ACCSL: variants seen among roughly 807,000 people sequenced by gnomAD.
The protein encoded by ACCSL is 1-aminocyclopropane-1-carboxylate synthase homolog (inactive) like, also known as probable inactive 1-aminocyclopropane-1-carboxylate synthase-like protein 2.
ACCSL carries 55 observed loss-of-function variants against 61.7 expected under a neutral mutation model. The observed-to-expected ratio is 0.89, with a 90% CI of 0.72 to 1.12. The LOEUF (loss-of-function observed/expected upper bound fraction) is 1.12, where lower values mean the gene tolerates loss of function less well. Among genes scored for constraint, ACCSL ranks in the 50% most tolerant of loss-of-function variants. The probability of loss-of-function intolerance (pLI) is 0.00; values close to 1 mark genes in which losing one functional copy is unlikely to be tolerated. For synonymous variants in ACCSL, 258 were observed against 264.3 expected, an observed-to-expected ratio of 0.98 and a Z score of 0.23; for missense variants, 632 against 698.0, an observed-to-expected ratio of 0.91 and a Z score of 1.07.
chr11:43,982,000 G>A, the ACCSL span, among the ~76,000 whole-genome samples: 8 of 152,278 alleles, frequency 5.3e-5, no homozygotes, highest in African/African-American at 1.4e-4. Context: ...GCTAGAGTCC[G>A]TTTGCTGAGA....
At chr11:43,966,276 A>G in the ACCSL span, among the ~76,000 whole-genome samples, 1 of 152,066 alleles carries the variant, frequency 6.6e-6, no homozygotes, top group Non-Finnish European at 1.5e-5. Flanking sequence ...AAATACAAAA[A>G]TTAGCTGGGC....
chr11:43,960,668 A>C, the ACCSL span, among the ~76,000 whole-genome samples: 25 of 152,130 alleles, frequency 1.6e-4, no homozygotes, highest in African/African-American at 5.1e-4. Context: ...TACAGGCATG[A>C]GCTATCATGC....
At chr11:44,006,436 G>A in the ACCSL span, among the ~76,000 whole-genome samples, 10 of 152,072 alleles carry the variant, frequency 6.6e-5, no homozygotes, top group East Asian at 1.9e-3. Context: ...GTGACTTTGG[G>A]TAAGGTACCC....
chr11:44,024,271 T>G, the ACCSL span, among the ~76,000 whole-genome samples: 128,087 of 152,040 alleles, frequency 0.84, 54,064 homozygotes, highest in Middle Eastern at 0.86. Context: ...GGCTCCCTTG[T>G]TTTCCAGGCC....
chr11:44,030,998 A>G, the ACCSL span, among the ~76,000 whole-genome samples: 1 of 152,198 alleles, frequency 6.6e-6, no homozygotes, highest in Non-Finnish European at 1.5e-5. Flanking sequence ...CACAAAAGGC[A>G]GGGATTTACA....
the ACCSL span, among the ~76,000 whole-genome samples, chr11:44,003,742 G>T: frequency 6.6e-6 from 1 of 152,076 alleles, no homozygotes; most frequent in African/African-American, 2.4e-5. Context: ...ATCCCCACTG[G>T]ACAGTAACTG....
At chr11:43,972,914 A>C in the ACCSL span, among the ~76,000 whole-genome samples, 1 of 152,190 alleles carries the variant, frequency 6.6e-6, no homozygotes, top group African/African-American at 2.4e-5. Flanking sequence ...AGGCCGAGGC[A>C]GGAGGATCAC....
the ACCSL span, among the ~76,000 whole-genome samples, chr11:43,924,455 C>T: frequency 6.6e-5 from 10 of 152,190 alleles, no homozygotes; most frequent in African/African-American, 9.7e-5. Flanking sequence ...AGGCGGTGGG[C>T]GCCTGAGGGC....
chr11:43,929,365 A>C, the ACCSL span, among the ~76,000 whole-genome samples: 1 of 152,218 alleles, frequency 6.6e-6, no homozygotes, highest in Non-Finnish European at 1.5e-5. Context: ...GACTATAGGC[A>C]CATGCCATCA....
chr11:44,048,424 T>C lies in ACCSL; in HGVS notation c.388T>C (p.Phe130Leu). The C allele has an allele frequency of 6.2e-7, 1 of 1,614,090 alleles. No individual in the cohort carries two copies. ...CCAACTGAGTGATTGTGAAGCTGCC[T>C]TTGTCAACCGCGACCTATCCATCCG... ...VPQLSDCEAA[F>L]VNRDLSIRGI... is the part of the protein sequence containing the mutation. Residue 130 changes from phenylalanine (F) to leucine (L), a missense_variant, in exon 1 of 14, where the codon TTT becomes CTT. Coordinates refer to ENST00000378832, the MANE Select transcript of ACCSL (RefSeq NM_001031854.2).
At chr11:44,003,010 T>C in the ACCSL span, among the ~76,000 whole-genome samples, 67 of 152,308 alleles carry the variant, frequency 4.4e-4, no homozygotes, top group African/African-American at 1.6e-3. Context: ...TCGTGATGTT[T>C]CATTGCTTAA....
chr11:43,991,941 T>C, the ACCSL span, among the ~76,000 whole-genome samples: 1 of 152,044 alleles, frequency 6.6e-6, no homozygotes, highest in African/African-American at 2.4e-5. Flanking sequence ...GCACACACAG[T>C]TCTCCTATCT....
At chr11:43,943,319 G>T in the ACCSL span, 3 of 1,434,488 alleles carry the variant, frequency 2.1e-6, no homozygotes, top group African/African-American at 3.0e-5. This position sits in a 1 kb window ranked among gnomAD's most constrained non-coding sequence, Gnocchi z 4.8. Context: ...GGTCCGCGCG[G>T]GGACCGGCGT....
the ACCSL span, chr11:43,973,850 A>G: frequency 6.6e-6 from 1 of 152,206 alleles, no homozygotes; most frequent in East Asian, 1.9e-4. Context: ...TGCAACCCCC[A>G]ACTCTAGGAC....
rs746067387 is a variant in ACCSL, at chr11:44,048,271, A to C, written c.235A>C (p.Ile79Leu). The change falls in exon 1 of 14, where the codon ATC becomes CTC. Residue 79 changes from isoleucine (I) to leucine (L), a missense_variant. Coordinates refer to ENST00000378832, the MANE Select transcript of ACCSL (RefSeq NM_001031854.2). Reference sequence around the variant, plus strand: ...TCTGAGTCGCTTAATATGCCGGATGATCAACCTCCTACAGTCTGGGGCCGC... The same window carrying C: ...TCTGAGTCGCTTAATATGCCGGATGCTCAACCTCCTACAGTCTGGGGCCGC... The part of the protein sequence containing the change: ...ALLSRLICRM[I>L]NLLQSGAASG... 3.7e-6 allele frequency: 6 copies of C among 1,614,082 alleles called. No individual in the cohort carries two copies. In the South Asian group the frequency reaches 6.6e-5, roughly 18 times the overall value.
At chr11:43,989,488 A>G in the ACCSL span, among the ~76,000 whole-genome samples, 1 of 152,178 alleles carries the variant, frequency 6.6e-6, no homozygotes, top group Non-Finnish European at 1.5e-5. Context: ...GCCTGGGGCC[A>G]TGTGGTTACT....
chr11:43,925,018 T>C, the ACCSL span: 4 of 172,922 alleles, frequency 2.3e-5, no homozygotes, highest in African/African-American at 9.3e-5. Flanking sequence ...GCTTTCTCTC[T>C]CTTTCTCTCA....
At chr11:44,030,258 G>A in the ACCSL span, among the ~76,000 whole-genome samples, 1 of 150,434 alleles carries the variant, frequency 6.6e-6, no homozygotes, top group Non-Finnish European at 1.5e-5. Flanking sequence ...CAAATTTGAG[G>A]AGTCTTGACC....
At chr11:43,998,211 C>T in the ACCSL span, among the ~76,000 whole-genome samples, 4 of 152,270 alleles carry the variant, frequency 2.6e-5, no homozygotes, top group African/African-American at 9.6e-5. Flanking sequence ...ATAGTAAGGA[C>T]GACATGAATG....
Sources: allele counts gnomAD v4.1 joint callset (sites outside exome capture counted in the v4.1 genomes callset), GRCh38; gene constraint gnomAD v4.1.1; non-coding constraint Gnocchi (gnomAD v3.1); transcripts MANE v1.5; gene names NCBI Gene and HGNC (gene_info 2026-07-23, HGNC 2026-07-21).